Variants in IP6K2 observed in about 807,000 individuals in gnomAD.
IP6K2 encodes ATP:1D-myo-inositol-hexakisphosphate phosphotransferase.
In IP6K2, 9 loss-of-function variants were observed where a neutral mutation model predicts 43.3. The ratio of observed to expected loss-of-function variants is 0.21; its 90% CI spans 0.13 to 0.36. The LOEUF (loss-of-function observed/expected upper bound fraction) is 0.36, where lower values mean the gene tolerates loss of function less well. Ranked by LOEUF, IP6K2 falls within the 10% of genes least tolerant of loss-of-function variation. The pLI is 1.00. For missense variants in IP6K2, 332 were observed against 538.4 expected, an observed-to-expected ratio of 0.62 and a Z score of 3.79; for synonymous variants, 209 against 202.4, an observed-to-expected ratio of 1.03 and a Z score of -0.28.
intron 2 of IP6K2, chr3:48,693,991 A>AGTGT: frequency 7.3e-7 from 1 of 1,378,358 alleles, no homozygotes. Context: ...AGCGCCTTAC[A>AGTGT]AACGACTGGC....
intron 1 of IP6K2, among the ~76,000 whole-genome samples, chr3:48,704,212 C>G (rs2079416416): frequency 1.3e-5 from 2 of 152,158 alleles, no homozygotes; most frequent in Admixed American, 6.5e-5. Flanking sequence ...TTGTGGGGAA[C>G]ACCAAATTGA....
At chr3:48,716,509 G>A (rs1429148675) in intron 1 of IP6K2, 1 of 152,166 alleles carries the variant, frequency 6.6e-6, no homozygotes, top group Admixed American at 6.5e-5. Flanking sequence ...GGATGCAAAA[G>A]ACAAAAGCGG....
At chr3:48,690,443 C>T (rs2077665948) in intron 4 of IP6K2, among the ~76,000 whole-genome samples, 1 of 151,736 alleles carries the variant, frequency 6.6e-6, no homozygotes, top group Non-Finnish European at 1.5e-5. Context: ...TGAGACCAGC[C>T]TGGGCAACAC....
At chr3:48,698,333 C>T (rs949328905) in intron 1 of IP6K2, among the ~76,000 whole-genome samples, 4 of 152,208 alleles carry the variant, frequency 2.6e-5, no homozygotes, top group African/African-American at 9.6e-5. Flanking sequence ...CAAGATGCTC[C>T]TCATGGGCCA....
intron 3 of IP6K2, among the ~76,000 whole-genome samples, chr3:48,692,241 T>A (rs907975403): frequency 6.6e-6 from 1 of 152,222 alleles, no homozygotes; most frequent in Admixed American, 6.5e-5. Context: ...TTTTACCACA[T>A]GTATACCTCA....
rs777041135 is a variant in IP6K2, at chr3:48,689,593, C to T, written c.725G>A (p.Arg242Gln). The T allele has an allele frequency of 3.1e-6, 5 of 1,614,062 alleles. No homozygotes were observed. The Admixed American group carries it at 5.0e-5, about 16-fold the overall frequency. Residue 242 changes from arginine to glutamine, a missense_variant, in exon 5 of 6, where the codon CGA (arginine) becomes CAA (glutamine). By Grantham distance (43) the Arg-to-Gln change is conservative (BLOSUM62 1). Coordinates refer to ENST00000328631, the MANE Select transcript of IP6K2 (RefSeq NM_016291.4). ...ASEEKAANQI[R>Q]KCQQSTSAVI... is the part of the protein sequence containing the mutation. ...TGCAGATGTGCTCTGCTGACATTTT[C>T]GGATCTGGTTGGCTGCCTTCTCCTC...
At chr3:48,706,139 G>A (rs542066906) in intron 1 of IP6K2, among the ~76,000 whole-genome samples, 68 of 151,672 alleles carry the variant, frequency 4.5e-4, no homozygotes, top group African/African-American at 1.5e-3. Flanking sequence ...CCCGGGAGGC[G>A]GAGGTTGCAG....
chr3:48,706,578 G>A (rs1031354848), intron 1 of IP6K2, among the ~76,000 whole-genome samples: 6 of 151,982 alleles, frequency 3.9e-5, no homozygotes, highest in South Asian at 2.1e-4. Context: ...GGCCAGGTGC[G>A]GTGGCTCAGG....
chr3:48,696,934 A>T (rs1305722282), intron 1 of IP6K2, among the ~76,000 whole-genome samples: 1 of 152,192 alleles, frequency 6.6e-6, no homozygotes, highest in Non-Finnish European at 1.5e-5. Context: ...ACCCAGGGCC[A>T]GAGACAATAA....
In IP6K2 at chr3:48,695,055, CCAGTGTGG is replaced by C; in HGVS notation, c.202+27_202+34del. 1 of 1,614,176 alleles carries C rather than the reference CCAGTGTGG, an allele frequency of 6.2e-7. No individual in the cohort carries two copies. Among genetic ancestry groups the C allele is most frequent in the Non-Finnish European group, 8.5e-7 (1 of 1,179,990 alleles). On this transcript the variant is annotated intron_variant, in intron 2 of 5. Coordinates refer to ENST00000328631, the MANE Select transcript of IP6K2 (RefSeq NM_016291.4). The surrounding 1 kb of genome is among the most constrained non-coding windows in gnomAD (Gnocchi z 4.6). ...GGCCACGATCTCTCACATCTCCTCG[CCAGTGTGG>C]CAACCCCTCCAGCAGCTGGGACTTA...
At position 48,688,036 on chromosome 3, in the gene IP6K2, T is replaced by C; in HGVS notation, c.*237A>G. ...ACAAAAAGATTTGTATTAGAACATATACACTCAGGGAAGAAAGAGGTATCA... is the reference window on the plus strand; with the variant it reads ...ACAAAAAGATTTGTATTAGAACATACACACTCAGGGAAGAAAGAGGTATCA... On this transcript the variant is annotated 3_prime_UTR_variant, in exon 6 of 6. Transcript: ENST00000328631. The surrounding 1 kb of genome is among the most constrained non-coding windows in gnomAD (Gnocchi z 5.1). The C allele has an allele frequency of 1.8e-6, 1 of 567,028 alleles. No homozygotes were observed. The highest frequency in any genetic ancestry group is 3.2e-6 in the Non-Finnish European group (1 of 317,136). The allele number at this position is 567,028 out of a possible 1,614,324, so 35.1% of individuals were successfully genotyped here.
In IP6K2 at chr3:48,688,554, T is replaced by C. The variant is rs1376596500; in HGVS notation, c.1000A>G (p.Ile334Val). Residue 334 changes from isoleucine (I) to valine (V), a missense_variant, in exon 6 of 6, where the codon ATT (isoleucine) becomes GTT (valine). Coordinates refer to ENST00000328631, the MANE Select transcript of IP6K2 (RefSeq NM_016291.4). This position sits in a 1 kb window ranked among gnomAD's most constrained non-coding sequence, Gnocchi z 5.1. ...YRFYSSSLLV[I>V]YDGKERPEVV... is the part of the protein sequence containing the mutation. ...TCGGGCCGCTCCTTGCCATCATAAA[T>C]GACCAGCAGGGAGCTTGAGTAGAAG... The C allele has an allele frequency of 6.2e-7, 1 of 1,614,094 alleles. No individual in the cohort carries two copies. Among genetic ancestry groups the C allele is most frequent in the African/African-American group, 1.3e-5 (1 of 74,920 alleles).
intron 1 of IP6K2, among the ~76,000 whole-genome samples, chr3:48,705,719 T>C (rs1399512419): frequency 1.3e-5 from 2 of 151,482 alleles, no homozygotes; most frequent in African/African-American, 4.8e-5. Context: ...ATACTACAGC[T>C]TGGCCAAGCG....
intron 3 of IP6K2, among the ~76,000 whole-genome samples, chr3:48,692,155 A>G (rs1286278222): frequency 6.6e-6 from 1 of 152,180 alleles, no homozygotes; most frequent in Non-Finnish European, 1.5e-5. Flanking sequence ...CAGTAATGAA[A>G]AGTGACTTCT....
chr3:48,691,463 A>G lies in IP6K2; in HGVS notation c.448T>C (p.Phe150Leu). 1.9e-6 allele frequency: 3 copies of G among 1,610,636 alleles called. No homozygotes were observed. In the South Asian group the frequency reaches 3.3e-5, roughly 18 times the overall value. ...KMKSHKLEEE[F>L]EWLKKSEVLY... ...ACTTCAGATTTCTTTAGCCACTCAAATTCTTCTTCTAACTTATGGCTATAA... is the reference window on the plus strand; with the variant it reads ...ACTTCAGATTTCTTTAGCCACTCAAGTTCTTCTTCTAACTTATGGCTATAA... Residue 150 changes from phenylalanine (F) to leucine (L), a missense_variant, in exon 4 of 6, where the codon TTT becomes CTT. Phe to Leu is a conservative substitution (Grantham distance 22, BLOSUM62 0). Coordinates refer to ENST00000328631, the MANE Select transcript of IP6K2 (RefSeq NM_016291.4).
rs1295633625 is a variant in IP6K2, at chr3:48,690,844, G to C, written c.604+463C>G. Among the ~76,000 whole-genome samples the C allele has an allele frequency of 3.4e-5, 5 of 148,586 alleles. No individual in the cohort carries two copies. The East Asian group carries it at 5.9e-4, about 18-fold the overall frequency. ...GAGAGGAAAAAAAGAAAAGAGAAAA[G>C]AAAACAAATATTTCCTTATGCACAG... is the stretch of plus-strand genomic sequence containing the variant. On this transcript the variant is annotated intron_variant, in intron 4 of 5. Transcript: ENST00000328631.
intron 1 of IP6K2, among the ~76,000 whole-genome samples, chr3:48,697,487 T>TG (rs2078517380): frequency 2.6e-5 from 2 of 77,610 alleles, no homozygotes; most frequent in South Asian, 6.7e-4. Context: ...CATGCCTGGC[T>TG]ATTTTTTTTT....
chr3:48,704,827 A>G (rs2079516762), intron 1 of IP6K2, among the ~76,000 whole-genome samples: 1 of 151,388 alleles, frequency 6.6e-6, no homozygotes, highest in Non-Finnish European at 1.5e-5. Flanking sequence ...TGCCCAGGCT[A>G]GAGTGCATGA....
intron 1 of IP6K2, among the ~76,000 whole-genome samples, chr3:48,705,053 T>C (rs1192019952): frequency 1.3e-5 from 2 of 152,190 alleles, no homozygotes; most frequent in African/African-American, 4.8e-5. Context: ...GCCATTCTCC[T>C]GCCTCAGCCT....
Sources: gnomAD v4.1 joint callset for allele counts (sites outside exome capture counted in the v4.1 genomes callset) on GRCh38, gnomAD v4.1.1 for gene constraint, Gnocchi (gnomAD v3.1) non-coding constraint, MANE v1.5 for transcripts, NCBI Gene and HGNC (gene_info 2026-07-23, HGNC 2026-07-21) for gene names.